GRID1: variants seen among roughly 807,000 people sequenced by gnomAD.
GRID1 encodes the protein glutamate ionotropic receptor delta type subunit 1, also known as glutamate receptor ionotropic, delta-1.
In GRID1, 28 loss-of-function variants were observed where a neutral mutation model predicts 98.0. That is an observed-to-expected ratio of 0.29 (90% CI 0.21 to 0.39). The LOEUF is 0.39. Ranked by LOEUF, GRID1 falls within the 10% of genes least tolerant of loss-of-function variation. The pLI is 1.00. For missense variants in GRID1, 1,111 were observed against 1,340.5 expected, an observed-to-expected ratio of 0.83 and a Z score of 2.67; for synonymous variants, 553 against 538.5, an observed-to-expected ratio of 1.03 and a Z score of -0.37.
intron 4 of GRID1, among the ~76,000 whole-genome samples, chr10:86,104,453 C>T (rs1266389783): frequency 1.3e-5 from 2 of 152,200 alleles, no homozygotes; most frequent in Non-Finnish European, 2.9e-5. Context: ...GATTCCCTCC[C>T]AGGGTAAAGG....
intron 5 of GRID1, among the ~76,000 whole-genome samples, chr10:85,883,940 A>G (rs1332600989): frequency 6.6e-6 from 1 of 152,168 alleles, no homozygotes. Flanking sequence ...AGAAGTTTCC[A>G]GCTTTATGTA....
At chr10:85,772,779 G>A (rs1391830484) in intron 8 of GRID1, among the ~76,000 whole-genome samples, 1 of 152,322 alleles carries the variant, frequency 6.6e-6, no homozygotes, top group Non-Finnish European at 1.5e-5. Context: ...CTAGGAAGAA[G>A]TTGAATCTCT....
chr10:85,931,253 C>T (rs1185862516), intron 4 of GRID1, among the ~76,000 whole-genome samples: 1 of 152,094 alleles, frequency 6.6e-6, no homozygotes, highest in African/African-American at 2.4e-5. Flanking sequence ...CTGCCCTACC[C>T]CTCTACCCAG....
intron 2 of GRID1, among the ~76,000 whole-genome samples, chr10:86,250,282 G>A (rs546243715): frequency 1.3e-5 from 2 of 152,308 alleles, no homozygotes; most frequent in South Asian, 4.1e-4. Flanking sequence ...AAGGCAGAGG[G>A]TTGGCTGAGG....
At chr10:85,885,762 G>A (rs377074357) in intron 5 of GRID1, among the ~76,000 whole-genome samples, 3 of 152,238 alleles carry the variant, frequency 2.0e-5, no homozygotes, top group East Asian at 3.8e-4. Flanking sequence ...CACCTGCACA[G>A]ATGTGGATGA....
intron 8 of GRID1, among the ~76,000 whole-genome samples, chr10:85,815,507 A>C (rs1047694266): frequency 5.3e-5 from 8 of 152,096 alleles, no homozygotes; most frequent in African/African-American, 1.7e-4. Context: ...CTAAACAATT[A>C]TATTAAAATC....
intron 12 of GRID1, among the ~76,000 whole-genome samples, chr10:85,703,492 T>A (rs906248670): frequency 2.0e-5 from 3 of 151,890 alleles, no homozygotes; most frequent in African/African-American, 7.3e-5. Context: ...GTAAACTGGG[T>A]CGAAGATTCT....
intron 4 of GRID1, among the ~76,000 whole-genome samples, chr10:86,029,848 T>C (rs556525295): frequency 6.6e-6 from 1 of 152,314 alleles, no homozygotes; most frequent in South Asian, 2.1e-4. Context: ...TTTCTTTGTT[T>C]GGGAAAATAA....
chr10:86,070,724 A>G (rs1214463130), intron 4 of GRID1, among the ~76,000 whole-genome samples: 1 of 152,156 alleles, frequency 6.6e-6, no homozygotes, highest in Non-Finnish European at 1.5e-5. Context: ...CCACCCACTC[A>G]TCTGTGTGTT....
intron 2 of GRID1, among the ~76,000 whole-genome samples, chr10:86,247,348 G>C (rs113869402): frequency 0.022 from 3,286 of 149,562 alleles, 53 homozygotes; most frequent in Non-Finnish European, 0.032. Context: ...TGGGTAGATG[G>C]AAAGACAGAG....
intron 4 of GRID1, among the ~76,000 whole-genome samples, chr10:86,075,523 C>A (rs902170879): frequency 3.9e-5 from 6 of 152,174 alleles, no homozygotes; most frequent in Non-Finnish European, 5.9e-5. Flanking sequence ...AACTTCCAAC[C>A]TCCAGAACTG....
chr10:86,317,875 G>A (rs1373147211), intron 2 of GRID1, among the ~76,000 whole-genome samples: 2 of 151,980 alleles, frequency 1.3e-5, no homozygotes, highest in South Asian at 2.1e-4. Context: ...TGAGTAGCTG[G>A]GACCACCAGC....
chr10:85,990,477 G>A (rs769590520), intron 4 of GRID1, among the ~76,000 whole-genome samples: 3 of 152,212 alleles, frequency 2.0e-5, no homozygotes, highest in Non-Finnish European at 2.9e-5. Flanking sequence ...CAACAAATAC[G>A]TGATAGGTGC....
chr10:86,229,733 C>A (rs1202346700), intron 2 of GRID1, among the ~76,000 whole-genome samples: 2 of 152,196 alleles, frequency 1.3e-5, no homozygotes. Context: ...GACAGCCGGG[C>A]GTGCGGGCCA....
chr10:85,768,526 T>C (rs549732472), intron 8 of GRID1, among the ~76,000 whole-genome samples: 29 of 152,218 alleles, frequency 1.9e-4, no homozygotes, highest in Admixed American at 1.3e-3. Flanking sequence ...AAAACTCCTA[T>C]AAATAAACAA....
chr10:86,062,412 C>T (rs772920511), intron 4 of GRID1, among the ~76,000 whole-genome samples: 6 of 152,116 alleles, frequency 3.9e-5, no homozygotes, highest in African/African-American at 1.2e-4. Context: ...GGGTCTTCTC[C>T]GGAGGTCCCA....
chr10:85,879,114 CA>C (rs1447470677), intron 5 of GRID1, among the ~76,000 whole-genome samples: 1 of 152,172 alleles, frequency 6.6e-6, no homozygotes, highest in African/African-American at 2.4e-5. Flanking sequence ...CATCCAGATT[CA>C]TAAAGCAAGT....
intron 2 of GRID1, among the ~76,000 whole-genome samples, chr10:86,272,937 G>C (rs1256074702): frequency 6.6e-6 from 1 of 152,098 alleles, no homozygotes; most frequent in Non-Finnish European, 1.5e-5. Context: ...TATACTTTAA[G>C]TTTTAGGGTA....
chr10:86,005,960 A>C (rs1247473282), intron 4 of GRID1, among the ~76,000 whole-genome samples: 1 of 152,228 alleles, frequency 6.6e-6, no homozygotes, highest in Non-Finnish European at 1.5e-5. Flanking sequence ...AATTCTATTC[A>C]AGATTCTGAC....
Sources: gnomAD v4.1 joint callset for allele counts (sites outside exome capture counted in the v4.1 genomes callset) on GRCh38, gnomAD v4.1.1 for gene constraint, MANE v1.5 for transcripts, NCBI Gene and HGNC (gene_info 2026-07-23, HGNC 2026-07-21) for gene names.